BICC1: variants seen among roughly 807,000 people sequenced by gnomAD.
BICC1 encodes BicC family RNA binding protein 1, also known as protein bicaudal C homolog 1.
BICC1 carries 43 observed loss-of-function variants against 111.0 expected under a neutral mutation model. That is an observed-to-expected ratio of 0.39 (90% CI 0.30 to 0.50). The LOEUF is 0.50. BICC1 is among the 20% of genes least tolerant of loss of function. BICC1 has a pLI of 0.88. For missense variants in BICC1, 1,091 were observed against 1,203.2 expected (o/e 0.91, Z 1.38); for synonymous variants, 467 against 434.4 (o/e 1.07, Z -0.93).
At chr10:58,630,981 T>C (rs1837776524) in intron 2 of BICC1, among the ~76,000 whole-genome samples, 1 of 152,100 alleles carries the variant, frequency 6.6e-6, no homozygotes, top group South Asian at 2.1e-4. Flanking sequence ...TACTATAAAG[T>C]ATATATGTTT....
chr10:58,829,364 G>A lies in BICC1; in HGVS notation c.*473G>A, dbSNP rs78560654. ...CTGGTACTGCTTTAAAATAATTATTGTGGTCTTTCAGCACTTTACACGTTC... is the reference window on the plus strand; with the variant it reads ...CTGGTACTGCTTTAAAATAATTATTATGGTCTTTCAGCACTTTACACGTTC... On this transcript the variant is annotated 3_prime_UTR_variant, in exon 21 of 21. Coordinates refer to ENST00000373886, the MANE Select transcript of BICC1 (RefSeq NM_001080512.3). 1 of 152,150 alleles carries A rather than the reference G, an allele frequency of 6.6e-6. No individual in the cohort carries two copies. The highest frequency in any genetic ancestry group is 1.9e-4 in the East Asian group (1 of 5,182). The allele number at this position is 152,150 out of a possible 1,614,324, so 9.4% of individuals were successfully genotyped here.
intron 15 of BICC1, among the ~76,000 whole-genome samples, chr10:58,805,547 A>G (rs1843685684): frequency 6.6e-6 from 1 of 152,242 alleles, no homozygotes; most frequent in Non-Finnish European, 1.5e-5. Flanking sequence ...AATATTATCT[A>G]AAAATCTGGC....
intron 2 of BICC1, among the ~76,000 whole-genome samples, chr10:58,666,680 G>C (rs1270888682): frequency 6.6e-6 from 1 of 152,036 alleles, no homozygotes; most frequent in Non-Finnish European, 1.5e-5. Flanking sequence ...CTTAGTGTTT[G>C]AATCTCTTTC....
chr10:58,641,483 CT>C (rs1489808320), intron 2 of BICC1, among the ~76,000 whole-genome samples: 1 of 148,630 alleles, frequency 6.7e-6, no homozygotes, highest in Non-Finnish European at 1.5e-5. Context: ...TTTTTTTTTG[CT>C]TTCCTGGAAC....
chr10:58,752,035 T>G (rs1278334980), intron 3 of BICC1, among the ~76,000 whole-genome samples: 2 of 152,198 alleles, frequency 1.3e-5, no homozygotes, highest in African/African-American at 4.8e-5. Flanking sequence ...GCTATTGAAC[T>G]TCTACAGTTT....
At chr10:58,580,268 C>T (rs915405140) in intron 1 of BICC1, among the ~76,000 whole-genome samples, 9 of 152,136 alleles carry the variant, frequency 5.9e-5, no homozygotes, top group Non-Finnish European at 1.2e-4. Flanking sequence ...AAGTGATCTG[C>T]CCGCCTCTGC....
intron 1 of BICC1, among the ~76,000 whole-genome samples, chr10:58,569,616 C>G (rs1476141856): frequency 6.6e-6 from 1 of 152,270 alleles, no homozygotes; most frequent in Non-Finnish European, 1.5e-5. Context: ...TGTTCACCTC[C>G]CACTTACGAG....
intron 2 of BICC1, among the ~76,000 whole-genome samples, chr10:58,679,247 G>A (rs1461625025): frequency 6.6e-6 from 1 of 152,100 alleles, no homozygotes; most frequent in Non-Finnish European, 1.5e-5. Flanking sequence ...GAATCCAGGA[G>A]CTGGTTTTTT....
intron 9 of BICC1, among the ~76,000 whole-genome samples, chr10:58,794,187 G>A (rs1286890254): frequency 6.6e-6 from 1 of 151,036 alleles, no homozygotes; most frequent in African/African-American, 2.4e-5. Flanking sequence ...GTGTGTGTGT[G>A]TGTGTGTGTG....
intron 3 of BICC1, among the ~76,000 whole-genome samples, chr10:58,703,579 TA>T (rs1320060133): frequency 1.3e-5 from 2 of 152,242 alleles, no homozygotes; most frequent in African/African-American, 4.8e-5. Context: ...TATAAGCCTG[TA>T]TTTCTCAAGT....
At chr10:58,693,748 A>T (rs1475481583) in intron 2 of BICC1, among the ~76,000 whole-genome samples, 2 of 152,082 alleles carry the variant, frequency 1.3e-5, no homozygotes, top group African/African-American at 2.4e-5. Flanking sequence ...TTCACTGTAG[A>T]TTCTAGATAT....
In BICC1 at chr10:58,760,204, T is replaced by G. The variant is rs148484780; in HGVS notation, c.308-24797T>G. On this transcript the variant is annotated intron_variant, in intron 3 of 20. Transcript: ENST00000373886. The stretch of plus-strand genomic sequence containing the variant: ...TTGCCAGATCTAAGAATGGGAATGA[T>G]TTTCTCAGGCAACTCTTATTCCATC... Among the ~76,000 whole-genome samples the G allele has an allele frequency of 3.2e-4, 49 of 152,276 alleles. 1 individual carries two copies. The East Asian group carries it at 9.3e-3, about 29-fold the overall frequency.
Position 58,801,039 on chromosome 10 carries a change from C to A in BICC1, c.2008C>A (p.His670Asn), listed in dbSNP as rs1206061279. Residue 670 changes from histidine (H) to asparagine (N), a missense_variant, in exon 14 of 21, where the codon CAC becomes AAC. Physicochemically the swap from His to Asn is moderately conservative, Grantham distance 68 (BLOSUM62 1). Transcript: ENST00000373886. Reference sequence around the variant, plus strand: ...ACTATTGCAAGGCACGAAAAACTCACACTTACAGTATGTATTTTAATCTTT... The same window carrying A: ...ACTATTGCAAGGCACGAAAAACTCAAACTTACAGTATGTATTTTAATCTTT... ...VELLQGTKNS[H>N]LHSTDRLLSD... 1 of 1,600,514 alleles carries A rather than the reference C, an allele frequency of 6.2e-7. No individual in the cohort carries two copies. Among genetic ancestry groups the A allele is most frequent in the Non-Finnish European group, 8.5e-7 (1 of 1,175,178 alleles).
At chr10:58,726,411 A>G (rs1229104564) in intron 3 of BICC1, among the ~76,000 whole-genome samples, 1 of 152,176 alleles carries the variant, frequency 6.6e-6, no homozygotes, top group Non-Finnish European at 1.5e-5. Context: ...AGAGAAGTTA[A>G]AGGAACTTCA....
chr10:58,782,098 T>G (rs1842898402), intron 3 of BICC1, among the ~76,000 whole-genome samples: 1 of 152,192 alleles, frequency 6.6e-6, no homozygotes, highest in Non-Finnish European at 1.5e-5. Context: ...TCACTTTGAA[T>G]GAAAGTGTAT....
chr10:58,709,702 T>C (rs1194435604), intron 3 of BICC1, among the ~76,000 whole-genome samples: 2 of 152,242 alleles, frequency 1.3e-5, no homozygotes, highest in African/African-American at 2.4e-5. Flanking sequence ...ATCACTGTTA[T>C]GAAAATTATC....
intron 18 of BICC1, chr10:58,814,189 T>G (rs1844011557): frequency 1.5e-6 from 1 of 668,364 alleles, no homozygotes; most frequent in African/African-American, 1.8e-5. Context: ...TTGTGCGTGC[T>G]TTCACTCTAG....
chr10:58,782,635 G>C (rs1453105391), intron 3 of BICC1, among the ~76,000 whole-genome samples: 3 of 152,142 alleles, frequency 2.0e-5, no homozygotes, highest in Non-Finnish European at 2.9e-5. Context: ...CAAAGTTAAG[G>C]ATAGTTGAGA....
Position 58,791,632 on chromosome 10 carries a change from C to T in BICC1, c.1047+1699C>T, listed in dbSNP as rs560094687. Among the ~76,000 whole-genome samples the T allele has an allele frequency of 1.4e-3, 209 of 152,048 alleles. 1 individual carries two copies. The highest frequency in any genetic ancestry group is 4.7e-3 in the African/African-American group (193 of 41,462). ...GTGAAGGTCTGTAATCCCAGCTACT[C>T]AAGAGGCTGAGACAGGAGAATTGCT... On this transcript the variant is annotated intron_variant, in intron 8 of 20. Coordinates refer to ENST00000373886, the MANE Select transcript of BICC1 (RefSeq NM_001080512.3).
Sources: gnomAD v4.1 joint callset for allele counts (sites outside exome capture counted in the v4.1 genomes callset) on GRCh38, gnomAD v4.1.1 for gene constraint, MANE v1.5 for transcripts, NCBI Gene and HGNC (gene_info 2026-07-23, HGNC 2026-07-21) for gene names.